The following DMGDH variants were observed in gnomAD, a reference collection of about 807,000 sequenced individuals.
DMGDH encodes dimethylglycine dehydrogenase, mitochondrial.
Under a neutral mutation model 95.2 loss-of-function variants are expected in DMGDH, and 76 were observed. The observed-to-expected ratio is 0.80, with a 90% CI of 0.66 to 0.97. DMGDH has a LOEUF of 0.97. Ranked by LOEUF, DMGDH falls within the 50% of genes least tolerant of loss-of-function variation. The pLI is 0.00. For synonymous variants in DMGDH, 345 were observed against 377.6 expected (o/e 0.91, Z 1.00); for missense variants, 987 against 1,055.0 (o/e 0.94, Z 0.89).
chr5:79,034,583 G>A (rs1454205720), intron 7 of DMGDH, among the ~76,000 whole-genome samples: 1 of 152,010 alleles, frequency 6.6e-6, no homozygotes, highest in African/African-American at 2.4e-5. Flanking sequence ...CAAGAAAAGG[G>A]GATACAAAGC....
chr5:79,050,266 AAAAAAAAAT>A (rs1268021794), intron 5 of DMGDH, among the ~76,000 whole-genome samples: 7 of 56,074 alleles, frequency 1.2e-4, no homozygotes, highest in Non-Finnish European at 2.0e-4. Flanking sequence ...AAAAAAAAAA[AAAAAAAAAT>A]ATATATATAT....
chr5:79,045,466 G>A (rs1754644197), intron 5 of DMGDH, among the ~76,000 whole-genome samples: 1 of 152,220 alleles, frequency 6.6e-6, no homozygotes, highest in Non-Finnish European at 1.5e-5. Context: ...AAGGCTAGTA[G>A]GGTAAGACAT....
intron 10 of DMGDH, 170 bp downstream of exon 10, chr5:79,030,663 A>T: frequency 1.4e-6 from 1 of 710,410 alleles, no homozygotes; most frequent in Non-Finnish European, 2.2e-6. Flanking sequence ...AAAAAAAAAA[A>T]AAAGAAAAGA....
At chr5:79,030,134 G>T in intron 10 of DMGDH, 100 bp from the exon 11 acceptor site, 2 of 1,033,940 alleles carry the variant, frequency 1.9e-6, no homozygotes, top group Non-Finnish European at 2.9e-6. Context: ...AGAATGAAAA[G>T]TATCTGAATC....
intron 14 of DMGDH, chr5:79,021,654 TA>T: frequency 7.6e-7 from 1 of 1,316,040 alleles, no homozygotes; most frequent in Non-Finnish European, 1.0e-6. Flanking sequence ...TTTTCCTCCT[TA>T]AAATGGGCAA....
intron 5 of DMGDH, among the ~76,000 whole-genome samples, 167 bp from the exon 6 acceptor site, chr5:79,044,719 G>C (rs747216261): frequency 6.6e-6 from 1 of 152,136 alleles, no homozygotes; most frequent in Non-Finnish European, 1.5e-5. Context: ...AAACTGAATG[G>C]GGGAAGAGAA....
At chr5:79,018,228 T>A (rs1862228) in intron 14 of DMGDH, among the ~76,000 whole-genome samples, 1 of 151,782 alleles carries the variant, frequency 6.6e-6, no homozygotes, top group Admixed American at 6.6e-5. Context: ...TTTGTGGAGA[T>A]GGAAGTCTCA....
chr5:79,047,461 G>C (rs1318902710), intron 5 of DMGDH, among the ~76,000 whole-genome samples: 1 of 152,052 alleles, frequency 6.6e-6, no homozygotes, highest in Non-Finnish European at 1.5e-5. Flanking sequence ...TCACATTTCT[G>C]ATTTGCCATG....
intron 6 of DMGDH, among the ~76,000 whole-genome samples, chr5:79,042,747 T>C (rs1754546970): frequency 6.7e-6 from 1 of 149,642 alleles, no homozygotes; most frequent in Non-Finnish European, 1.5e-5. Flanking sequence ...TAATATAGTT[T>C]CTGATATTTA....
chr5:79,033,184 T>A lies in DMGDH; in HGVS notation c.1363+55A>T, dbSNP rs184799182. On this transcript the variant is annotated intron_variant, in intron 8 of 15. Transcript: ENST00000255189. ...AATAAAGACCATCTAAAGTCAGAGATGCTACAATTCAATTCCGTCAACACT... is the reference window on the plus strand; with the variant it reads ...AATAAAGACCATCTAAAGTCAGAGAAGCTACAATTCAATTCCGTCAACACT... 17 of 1,605,004 alleles carry A rather than the reference T, an allele frequency of 1.1e-5. No individual in the cohort carries two copies. In the African/African-American group the frequency reaches 2.0e-4, roughly 19 times the overall value.
intron 14 of DMGDH, chr5:79,020,949 G>A: frequency 2.0e-6 from 2 of 985,286 alleles, no homozygotes; most frequent in Non-Finnish European, 2.4e-6. Flanking sequence ...CCATCCAAAG[G>A]CAGCTGATTT....
At chr5:79,059,373 C>T (rs1484685009) in intron 2 of DMGDH, among the ~76,000 whole-genome samples, 3 of 152,314 alleles carry the variant, frequency 2.0e-5, no homozygotes, top group Non-Finnish European at 2.9e-5. Context: ...GAGAAGTGCA[C>T]GATTGGCTGT....
intron 1 of DMGDH, among the ~76,000 whole-genome samples, chr5:79,065,723 C>A (rs764949602): frequency 1.6e-4 from 25 of 152,198 alleles, no homozygotes; most frequent in Admixed American, 8.5e-4. Context: ...ATTGCATGTG[C>A]TATAGCTTTA....
At chr5:79,055,201 C>T (rs1408026385) in intron 3 of DMGDH, among the ~76,000 whole-genome samples, 1 of 152,176 alleles carries the variant, frequency 6.6e-6, no homozygotes. Flanking sequence ...GAAAAAGAAA[C>T]AGTTGGGACA....
intron 2 of DMGDH, among the ~76,000 whole-genome samples, chr5:79,058,978 T>C (rs936454253): frequency 5.3e-5 from 8 of 152,182 alleles, no homozygotes; most frequent in African/African-American, 1.7e-4. Flanking sequence ...TTCCAGTGGC[T>C]CCAAATCTTT....
At chr5:78,998,319 T>C (rs766486643) in intron 15 of DMGDH, 22 bp from the exon 16 acceptor site, 1 of 1,601,862 alleles carries the variant, frequency 6.2e-7, no homozygotes, top group Non-Finnish European at 8.5e-7. Context: ...GACCCAACAG[T>C]CCTCAGCATC....
Position 79,051,293 on chromosome 5 carries a change from CATTCACA to C in DMGDH, c.732_738del (p.Ile244MetfsTer10). The C allele has an allele frequency of 8.1e-6, 13 of 1,614,146 alleles. No individual in the cohort carries two copies. The highest frequency in any genetic ancestry group is 1.1e-5 in the Non-Finnish European group (13 of 1,179,982). ...AAAAAAATGATATGCTTACCTGCAG[CATTCACA>C]ATTCTATTTGCTCTCATAGACCCCT... On this transcript the variant is annotated frameshift_variant, in exon 5 of 16. Coordinates refer to ENST00000255189, the MANE Select transcript of DMGDH (RefSeq NM_013391.3). LOFTEE classifies it high-confidence loss of function.
intron 15 of DMGDH, chr5:79,000,871 G>A (rs1753440651): frequency 3.1e-6 from 2 of 646,708 alleles, no homozygotes; most frequent in South Asian, 3.7e-5. Flanking sequence ...TTCAATAAAT[G>A]GACAAGTTCT....
chr5:79,051,917 C>A (rs1405490566), intron 4 of DMGDH, among the ~76,000 whole-genome samples: 1 of 152,058 alleles, frequency 6.6e-6, no homozygotes, highest in East Asian at 1.9e-4. Flanking sequence ...GTGGGGAAAA[C>A]AAAGAAGAAT....
Sources: allele counts gnomAD v4.1 joint callset (sites outside exome capture counted in the v4.1 genomes callset), GRCh38; gene constraint gnomAD v4.1.1; transcripts MANE v1.5; gene names NCBI Gene and HGNC (gene_info 2026-07-23, HGNC 2026-07-21).